Variants in ROBO2 observed in about 807,000 individuals in gnomAD.
ROBO2 encodes the protein roundabout homolog 2.
Under a neutral mutation model 160.8 loss-of-function variants are expected in ROBO2, and 53 were observed. That is an observed-to-expected ratio of 0.33 (90% CI 0.26 to 0.41). ROBO2 has a LOEUF of 0.41. Ranked by LOEUF, ROBO2 falls within the 10% of genes least tolerant of loss-of-function variation. The pLI, the probability that ROBO2 is intolerant of heterozygous loss-of-function variation, is 1.00. For synonymous variants in ROBO2, 664 were observed against 611.7 expected, an observed-to-expected ratio of 1.09 and a Z score of -1.26; for missense variants, 1,577 against 1,722.4, an observed-to-expected ratio of 0.92 and a Z score of 1.49.
intron 2 of ROBO2, among the ~76,000 whole-genome samples, chr3:76,827,503 G>C (rs745609549): frequency 6.6e-6 from 1 of 152,130 alleles, no homozygotes; most frequent in Non-Finnish European, 1.5e-5. Flanking sequence ...AGACTCTAAA[G>C]ATGGTCTAAC....
chr3:77,494,255 G>A (rs1381551011), intron 5 of ROBO2, among the ~76,000 whole-genome samples: 3 of 151,852 alleles, frequency 2.0e-5, no homozygotes, highest in Non-Finnish European at 4.4e-5. Context: ...TGTACAGGCT[G>A]TGTTTTTCTA....
intron 2 of ROBO2, among the ~76,000 whole-genome samples, chr3:76,051,950 A>T (rs1201281879): frequency 6.6e-6 from 1 of 152,082 alleles, no homozygotes; most frequent in African/African-American, 2.4e-5. Context: ...TTCAATGATA[A>T]AAAGTACTAT....
intron 2 of ROBO2, among the ~76,000 whole-genome samples, chr3:76,365,140 C>A (rs2075740040): frequency 2.0e-5 from 3 of 152,002 alleles, no homozygotes; most frequent in Non-Finnish European, 4.4e-5. Context: ...AGAGAGAGAG[C>A]CTGTGGTGTG....
chr3:76,453,485 G>A (rs1374706677), intron 2 of ROBO2, among the ~76,000 whole-genome samples: 1 of 152,074 alleles, frequency 6.6e-6, no homozygotes, highest in Admixed American at 6.6e-5. Flanking sequence ...TCAGATAGTT[G>A]TAGATATGCG....
chr3:75,995,516 C>T (rs183085061), intron 2 of ROBO2, among the ~76,000 whole-genome samples: 6 of 152,286 alleles, frequency 3.9e-5, no homozygotes, highest in Non-Finnish European at 8.8e-5. Flanking sequence ...AGGCAGAAGT[C>T]TGCTTGCAGG....
intron 2 of ROBO2, among the ~76,000 whole-genome samples, chr3:77,159,615 T>A (rs2078311812): frequency 6.6e-6 from 1 of 152,080 alleles, no homozygotes; most frequent in South Asian, 2.1e-4. Flanking sequence ...ATAAAATATA[T>A]CTCTACCTGT....
intron 1 of ROBO2, among the ~76,000 whole-genome samples, chr3:77,097,138 G>A (rs1242240374): frequency 6.6e-6 from 1 of 152,164 alleles, no homozygotes; most frequent in Admixed American, 6.5e-5. Flanking sequence ...CTCCAAGACT[G>A]TCTTAAACCT....
chr3:76,192,739 G>A (rs930516415), intron 2 of ROBO2, among the ~76,000 whole-genome samples: 1 of 151,934 alleles, frequency 6.6e-6, no homozygotes, highest in East Asian at 1.9e-4. Context: ...GTACCATCCT[G>A]TCACTATTCA....
chr3:75,961,446 G>A (rs747195315), intron 2 of ROBO2, among the ~76,000 whole-genome samples: 40 of 151,438 alleles, frequency 2.6e-4, no homozygotes, highest in East Asian at 3.9e-4. Flanking sequence ...AATTGAGTCC[G>A]GTTTCTTCTA....
intron 2 of ROBO2, among the ~76,000 whole-genome samples, chr3:76,419,765 T>C (rs1309678506): frequency 1.3e-5 from 2 of 152,190 alleles, no homozygotes; most frequent in Non-Finnish European, 2.9e-5. Flanking sequence ...GGGAATCATG[T>C]AGCTGAATCC....
intron 2 of ROBO2, among the ~76,000 whole-genome samples, chr3:76,782,522 G>T (rs1276966895): frequency 2.7e-5 from 4 of 150,636 alleles, no homozygotes; most frequent in Non-Finnish European, 4.5e-5. Context: ...TCCTTCTTCA[G>T]TTCTGATAAT....
chr3:76,468,798 C>T (rs918037730), intron 2 of ROBO2, among the ~76,000 whole-genome samples: 1 of 152,040 alleles, frequency 6.6e-6, no homozygotes. Context: ...TGCTGGATTT[C>T]CTGCAAATAA....
intron 2 of ROBO2, among the ~76,000 whole-genome samples, chr3:76,833,310 T>C (rs2067245476): frequency 6.6e-6 from 1 of 152,180 alleles, no homozygotes; most frequent in South Asian, 2.1e-4. Context: ...ATGTGACAAC[T>C]ATTGGTGGCA....
chr3:76,292,976 T>A (rs1030790305), intron 2 of ROBO2, among the ~76,000 whole-genome samples: 103 of 151,336 alleles, frequency 6.8e-4, no homozygotes, highest in Non-Finnish European at 1.1e-3. Context: ...TTTTTTTTTT[T>A]AAATATAGTG....
At chr3:77,058,112 A>G (rs1019368843) in intron 1 of ROBO2, among the ~76,000 whole-genome samples, 1 of 152,182 alleles carries the variant, frequency 6.6e-6, no homozygotes, top group Non-Finnish European at 1.5e-5. Context: ...TTATTAAGAA[A>G]ATTCTTAGAT....
At chr3:76,812,342 T>C (rs2065258796) in intron 2 of ROBO2, among the ~76,000 whole-genome samples, 1 of 120,242 alleles carries the variant, frequency 8.3e-6, no homozygotes, top group East Asian at 3.0e-4. Context: ...ATAAAAGCTA[T>C]TTGAAAAAAA....
intron 2 of ROBO2, among the ~76,000 whole-genome samples, chr3:75,988,467 A>G (rs2065476171): frequency 6.6e-6 from 1 of 151,994 alleles, no homozygotes; most frequent in African/African-American, 2.4e-5. Flanking sequence ...TTTTTGAAGA[A>G]TCAACTTTTG....
At chr3:76,657,286 T>G (rs1294639466) in intron 2 of ROBO2, among the ~76,000 whole-genome samples, 1 of 151,610 alleles carries the variant, frequency 6.6e-6, no homozygotes, top group Non-Finnish European at 1.5e-5. Context: ...TTATCTGGGC[T>G]TGGTGGCGGG....
intron 2 of ROBO2, among the ~76,000 whole-genome samples, chr3:76,351,304 C>G (rs1479615318): frequency 1.3e-5 from 2 of 151,838 alleles, no homozygotes. Context: ...TGAATTCTTA[C>G]TTTTTTTATG....
Sources: allele counts gnomAD v4.1 joint callset (sites outside exome capture counted in the v4.1 genomes callset), GRCh38; gene constraint gnomAD v4.1.1; transcripts MANE v1.5; gene names NCBI Gene and HGNC (gene_info 2026-07-23, HGNC 2026-07-21).